The following MRPL45 variants were observed in gnomAD, a reference collection of about 807,000 sequenced individuals.
The protein encoded by MRPL45 is large ribosomal subunit protein mL45.
MRPL45 carries 20 observed loss-of-function variants against 38.1 expected under a neutral mutation model. The ratio of observed to expected loss-of-function variants is 0.53; its 90% CI spans 0.37 to 0.76. The LOEUF (loss-of-function observed/expected upper bound fraction) is 0.76, where lower values mean the gene tolerates loss of function less well. Ranked by LOEUF, MRPL45 falls within the 30% of genes least tolerant of loss-of-function variation. The pLI, the probability that MRPL45 is intolerant of heterozygous loss-of-function variation, is 0.00. For synonymous variants in MRPL45, 105 were observed against 128.8 expected, an observed-to-expected ratio of 0.82 and a Z score of 1.25; for missense variants, 337 against 395.6, an observed-to-expected ratio of 0.85 and a Z score of 1.26.
At chr17:38,317,087 C>T (rs2037181947) in intron 4 of MRPL45, among the ~76,000 whole-genome samples, 1 of 152,108 alleles carries the variant, frequency 6.6e-6, no homozygotes. Flanking sequence ...TGAGCCACCG[C>T]ACCCGGCCCA....
rs544918215 is a variant in MRPL45, at chr17:38,313,311, A to AATATATAT, written c.462-5362_462-5355dup. ...TTCCTTTCTATTAAAAAAAAAAAAA[A>AATATATAT]ATATATATATATATATATATACATA... is the stretch of plus-strand genomic sequence containing the variant. On this transcript the variant is annotated intron_variant, in intron 4 of 7. Coordinates refer to ENST00000613675, the MANE Select transcript of MRPL45 (RefSeq NM_032351.6). Among the ~76,000 whole-genome samples the AATATATAT allele has an allele frequency of 3.3e-3, 26 of 7,862 alleles. 3 individuals carry two copies. The highest frequency in any genetic ancestry group is 5.7e-3 in the Non-Finnish European group (25 of 4,402). 5.2% of individuals were successfully genotyped at this position (7,862 alleles called of 152,430 possible). A position where few individuals can be genotyped will look rare whatever the true frequency, so the allele number is the denominator to read the frequency against.
chr17:38,297,390 G>A lies in MRPL45; in HGVS notation c.66+141G>A, dbSNP rs2036947566. The A allele has an allele frequency of 5.2e-6, 4 of 771,640 alleles. No homozygotes were observed. The Admixed American group carries it at 9.1e-5, about 18-fold the overall frequency. The allele number at this position is 771,640 out of a possible 1,614,324, so 47.8% of individuals were successfully genotyped here. On this transcript the variant is annotated intron_variant, in intron 1 of 7. Coordinates refer to ENST00000613675, the MANE Select transcript of MRPL45 (RefSeq NM_032351.6). ...GCCGGGGAAGAGGCTTAGGTGGACAGGACCTAGCTGCGGAGCTCAGTGGTC... is the reference window on the plus strand; with the variant it reads ...GCCGGGGAAGAGGCTTAGGTGGACAAGACCTAGCTGCGGAGCTCAGTGGTC...
chr17:38,318,847 G>A, intron 5 of MRPL45, 112 bp downstream of exon 5: 1 of 786,298 alleles, frequency 1.3e-6, no homozygotes, highest in Non-Finnish European at 2.0e-6. Context: ...TTTTTTTTGA[G>A]ACAGAGTTTC....
intron 4 of MRPL45, among the ~76,000 whole-genome samples, chr17:38,315,526 C>G (rs937605847): frequency 6.6e-6 from 1 of 151,920 alleles, no homozygotes; most frequent in African/African-American, 2.4e-5. Context: ...GCCTCTGCCT[C>G]CCAATGTGTT....
Position 38,318,698 on chromosome 17 carries a change from A to T in MRPL45, c.473A>T (p.Asp158Val), listed in dbSNP as rs1217144367. 6.2e-7 allele frequency: 1 copy of T among 1,609,362 alleles called. No homozygotes were observed. The highest frequency in any genetic ancestry group is 1.7e-5 in the Admixed American group (1 of 59,950). ...GCTTTCTTTTCTAGCTCAGACCATG[A>T]CCGGCTTCATACCTTGGTAACTGAA... ...AHLCLNNSDH[D>V]RLHTLVTEHC... is the part of the protein sequence containing the mutation. Residue 158 changes from aspartate to valine, a missense_variant, in exon 5 of 8, where the codon GAC (aspartate) becomes GTC (valine). Coordinates refer to ENST00000613675, the MANE Select transcript of MRPL45 (RefSeq NM_032351.6).
intron 4 of MRPL45, among the ~76,000 whole-genome samples, chr17:38,313,325 T>C (rs1423438288): frequency 5.9e-5 from 1 of 17,082 alleles, no homozygotes; most frequent in Non-Finnish European, 1.1e-4. Context: ...TATATATATA[T>C]ATATATACAT....
At chr17:38,311,385 C>T (rs1185277757) in intron 4 of MRPL45, among the ~76,000 whole-genome samples, 1 of 151,968 alleles carries the variant, frequency 6.6e-6, no homozygotes, top group African/African-American at 2.4e-5. Context: ...GGAAGAGTGC[C>T]CTTATAAAGG....
chr17:38,322,569 G>A lies in MRPL45; in HGVS notation c.895G>A (p.Glu299Lys). The A allele has an allele frequency of 1.2e-6, 2 of 1,613,408 alleles. No homozygotes were observed. The highest frequency in any genetic ancestry group is 1.1e-5 in the South Asian group (1 of 90,920). Reference protein sequence around the residue: ...PEEEYEEAQGEAQKPQLA With the variant: ...PEEEYEEAQGKAQKPQLA ...AGAAGAATATGAAGAGGCACAAGGA[G>A]AGGCCCAGAAGCCTCAGCTAGCCTG... Residue 299 changes from glutamate to lysine, a missense_variant, in exon 8 of 8, where the codon GAG becomes AAG. By Grantham distance (56) the Glu-to-Lys change is moderately conservative (BLOSUM62 1). Around this residue, in one of 3 missense-constraint regions of MRPL45, gnomAD observed 251 missense variants for 269.1 expected, o/e 0.93. Transcript: ENST00000613675.
At chr17:38,318,997 TTTTATTTATTTATTTATTTATTTATTTA>T (rs575783313) in intron 5 of MRPL45, among the ~76,000 whole-genome samples, 1 of 127,452 alleles carries the variant, frequency 7.8e-6, no homozygotes, top group African/African-American at 3.3e-5. Flanking sequence ...CCAGCTAATT[TTTTATTTATTTATTTATTTATTTATTTA>T]TTTATTTATT....
chr17:38,316,686 T>C (rs2037175715), intron 4 of MRPL45, among the ~76,000 whole-genome samples: 1 of 129,388 alleles, frequency 7.7e-6, no homozygotes, highest in Non-Finnish European at 1.5e-5. Flanking sequence ...CGTGCACCTG[T>C]AGTCCCAGAA....
intron 4 of MRPL45, among the ~76,000 whole-genome samples, chr17:38,315,746 CTT>C (rs1028091846): frequency 7.2e-5 from 10 of 139,024 alleles, no homozygotes; most frequent in Admixed American, 7.2e-5. Context: ...CTTTTTCTTT[CTT>C]TTTTTTTTTT....
intron 4 of MRPL45, among the ~76,000 whole-genome samples, chr17:38,316,370 C>T (rs2037173025): frequency 6.6e-6 from 1 of 152,092 alleles, no homozygotes; most frequent in African/African-American, 2.4e-5. Context: ...TAATTTCTGT[C>T]TCCAATGTGT....
intron 2 of MRPL45, 29 bp from the exon 3 acceptor site, chr17:38,299,320 CTT>C (rs1275061173): frequency 1.4e-6 from 2 of 1,447,546 alleles, no homozygotes; most frequent in African/African-American, 2.9e-5. Context: ...TCTTTCAACA[CTT>C]TCTTAATTTT....
chr17:38,317,561 GT>G (rs991768322), intron 4 of MRPL45, among the ~76,000 whole-genome samples: 1 of 151,476 alleles, frequency 6.6e-6, no homozygotes, highest in East Asian at 1.9e-4. Flanking sequence ...TCTGTTTTGT[GT>G]TTTTTTTGTT....
At chr17:38,320,978 A>AT (rs11439385) in intron 6 of MRPL45, among the ~76,000 whole-genome samples, 7 of 149,660 alleles carry the variant, frequency 4.7e-5, no homozygotes, top group Non-Finnish European at 5.9e-5. Flanking sequence ...ACTCTTCCTG[A>AT]TTTTTTTTTT....
chr17:38,301,170 G>A (rs1224426345), intron 3 of MRPL45, among the ~76,000 whole-genome samples: 1 of 151,938 alleles, frequency 6.6e-6, no homozygotes, highest in East Asian at 1.9e-4. Flanking sequence ...TTCCTTGCCA[G>A]TACTGTACCA....
rs149031866 is a variant in MRPL45, at chr17:38,298,522, A to G, written c.140A>G (p.Gln47Arg). 1 of 1,613,936 alleles carries G rather than the reference A, an allele frequency of 6.2e-7. No individual in the cohort carries two copies. Among genetic ancestry groups the G allele is most frequent in the South Asian group, 1.1e-5 (1 of 91,074 alleles). The change falls in exon 2 of 8, where the codon CAA (glutamine) becomes CGA (arginine). Residue 47 changes from glutamine (Q) to arginine (R), a missense_variant. By Grantham distance (43) the Gln-to-Arg change is conservative (BLOSUM62 1). Transcript: ENST00000613675. ...TKKRFTPPIY[Q>R]PKFKTEKEFM... ...AAACGTTTCACACCTCCTATTTATC[A>G]ACCTAAATTTAAAACAGAAAAGGAG...
intron 4 of MRPL45, among the ~76,000 whole-genome samples, chr17:38,312,963 C>T (rs2037126920): frequency 6.7e-6 from 1 of 148,350 alleles, no homozygotes; most frequent in South Asian, 2.1e-4. Flanking sequence ...TCACTGATAC[C>T]TATTACTTTC....
chr17:38,304,972 G>A (rs982716944), intron 3 of MRPL45, among the ~76,000 whole-genome samples: 2 of 151,294 alleles, frequency 1.3e-5, no homozygotes, highest in South Asian at 2.1e-4. Flanking sequence ...TCAGTCTCCC[G>A]AGTAGCTGGA....
Sources: gnomAD v4.1 joint callset for allele counts (sites outside exome capture counted in the v4.1 genomes callset) on GRCh38, gnomAD v4.1.1 for gene constraint, gnomAD v4.1.1 regional missense constraint, MANE v1.5 for transcripts, NCBI Gene and HGNC (gene_info 2026-07-23, HGNC 2026-07-21) for gene names.